Variants in ADGRF1 observed in about 807,000 individuals in gnomAD.
ADGRF1 encodes the protein G protein-coupled receptor 110.
Under a neutral mutation model 87.2 loss-of-function variants are expected in ADGRF1, and 85 were observed. The observed-to-expected ratio is 0.97, with a 90% confidence interval of 0.82 to 1.17. The LOEUF (loss-of-function observed/expected upper bound fraction) is 1.17. Among genes scored for constraint, ADGRF1 ranks in the 50% most tolerant of loss-of-function variants. The pLI, the probability that ADGRF1 is intolerant of heterozygous loss-of-function variation, is 0.00. For synonymous variants in ADGRF1, 430 were observed against 408.8 expected (o/e 1.05, Z -0.63); for missense variants, 1,169 against 1,077.2 (o/e 1.09, Z -1.19).
intron 7 of ADGRF1, chr6:47,020,113 C>G: frequency 9.7e-7 from 1 of 1,033,600 alleles, no homozygotes; most frequent in Non-Finnish European, 1.2e-6. Flanking sequence ...TCACCATGAT[C>G]TCCTGCCTTC....
rs374462680 is a variant in ADGRF1, at chr6:47,031,351, G to GTCTCTCTC, written c.-43-2255_-43-2248dup. Among the ~76,000 whole-genome samples, 678 of 110,762 alleles carry GTCTCTCTC rather than the reference G, an allele frequency of 6.1e-3. 11 individuals are homozygous for GTCTCTCTC. The highest frequency in any genetic ancestry group is 0.014 in the African/African-American group (390 of 28,884). 72.7% of individuals were successfully genotyped at this position (110,762 alleles called of 152,430 possible). Reference sequence around the variant, plus strand: ...CTCTCTTCTCTCTCTCTCTCTCTCTGTCTCTCTCTCTCTCTCTCTCTCTCT... The same window carrying GTCTCTCTC: ...CTCTCTTCTCTCTCTCTCTCTCTCTGTCTCTCTCTCTCTCTCTCTCTCTCTCTCTCTCT... On this transcript the variant is annotated intron_variant, in intron 1 of 14. Transcript: ENST00000371253.
In ADGRF1 at chr6:47,019,751, G is replaced by GA. The variant is rs568131460; in HGVS notation, c.611+979dup. ...CTATGGGTGTTTTTAAGTTAACTGT[G>GA]AAAAAAAATCACAAGTCAATTTCTC... On this transcript the variant is annotated intron_variant, in intron 7 of 14. Transcript: ENST00000371253. 23 of 980,312 alleles carry GA rather than the reference G, an allele frequency of 2.3e-5. No individual in the cohort carries two copies. In the East Asian group the frequency reaches 9.1e-4, roughly 39 times the overall value. 60.7% of individuals were successfully genotyped at this position (980,312 alleles called of 1,614,324 possible).
At chr6:47,040,549 G>T (rs1298972218) in intron 1 of ADGRF1, among the ~76,000 whole-genome samples, 1 of 150,272 alleles carries the variant, frequency 6.7e-6, no homozygotes, top group Non-Finnish European at 1.5e-5. Context: ...GATTAGGTAG[G>T]TTACACAGCA....
chr6:47,011,507 T>C (rs1179675950), intron 10 of ADGRF1, among the ~76,000 whole-genome samples: 2 of 152,226 alleles, frequency 1.3e-5, no homozygotes, highest in African/African-American at 4.8e-5. Flanking sequence ...GTGTTTATTT[T>C]AAAGTGACCA....
chr6:47,014,615 C>G, intron 9 of ADGRF1, 66 bp downstream of exon 9: 1 of 1,571,516 alleles, frequency 6.4e-7, no homozygotes, highest in Non-Finnish European at 8.6e-7. Flanking sequence ...CCTAGCCATG[C>G]TCACTGGGAT....
chr6:47,028,215 A>G (rs1780302549), intron 2 of ADGRF1, among the ~76,000 whole-genome samples: 1 of 152,232 alleles, frequency 6.6e-6, no homozygotes, highest in South Asian at 2.1e-4. Context: ...CAATGCGTGC[A>G]TTTCTGGGGT....
At chr6:47,034,275 T>C (rs974807884) in intron 1 of ADGRF1, among the ~76,000 whole-genome samples, 1 of 152,224 alleles carries the variant, frequency 6.6e-6, no homozygotes, top group Admixed American at 6.5e-5. Flanking sequence ...TATTTAATTG[T>C]TCTTTTATCA....
Position 47,042,285 on chromosome 6 carries a change from A to G in ADGRF1, c.-138T>C, listed in dbSNP as rs920120558. Reference sequence around the variant, plus strand: ...TTCTTATGCTGTTTGGAAAGAAAGTATCAGTATCTGAGCCACAGCAGCTCA... The same window carrying G: ...TTCTTATGCTGTTTGGAAAGAAAGTGTCAGTATCTGAGCCACAGCAGCTCA... On this transcript the variant is annotated 5_prime_UTR_variant, in exon 1 of 15. Transcript: ENST00000371253. 1 of 152,222 alleles carries G rather than the reference A, an allele frequency of 6.6e-6. No homozygotes were observed. 9.4% of individuals were successfully genotyped at this position (152,222 alleles called of 1,614,324 possible).
chr6:47,000,984 A>G (rs539539406), intron 14 of ADGRF1, among the ~76,000 whole-genome samples: 23 of 152,338 alleles, frequency 1.5e-4, no homozygotes, highest in African/African-American at 5.1e-4. Context: ...GTAACCGCCA[A>G]TCAATGAACA....
At position 46,998,830 on chromosome 6, in the gene ADGRF1, G is replaced by C. The variant is rs1160823574; in HGVS notation, c.*1392C>G. ...TTGTGGGGTATAGAACCATCTAACT[G>C]ATCCTCAGTCATTTCCTTTGAACCT... On this transcript the variant is annotated 3_prime_UTR_variant, in exon 15 of 15. Coordinates refer to ENST00000371253, the MANE Select transcript of ADGRF1 (RefSeq NM_153840.4). The C allele has an allele frequency of 6.6e-6, 1 of 152,220 alleles. No individual in the cohort carries two copies. Among genetic ancestry groups the C allele is most frequent in the Non-Finnish European group, 1.5e-5 (1 of 68,040 alleles). The allele number at this position is 152,220 out of a possible 1,614,324, so 9.4% of individuals were successfully genotyped here.
chr6:47,037,526 G>C (rs1281060539), intron 1 of ADGRF1, among the ~76,000 whole-genome samples: 1 of 152,024 alleles, frequency 6.6e-6, no homozygotes, highest in East Asian at 1.9e-4. Flanking sequence ...GTTGTATTTA[G>C]AGACAGGGTC....
At chr6:47,020,480 G>A in intron 7 of ADGRF1, 2 of 1,451,914 alleles carry the variant, frequency 1.4e-6, no homozygotes, top group Non-Finnish European at 1.9e-6. Flanking sequence ...CTCCAACTTG[G>A]GCGACAAGAG....
intron 3 of ADGRF1, 102 bp downstream of exon 3, chr6:47,027,602 T>C: frequency 1.4e-6 from 1 of 712,170 alleles, no homozygotes; most frequent in African/African-American, 1.8e-5. Context: ...TGTTTAATAA[T>C]GTGCCTAGGA....
chr6:47,019,283 A>G (rs1294628076), intron 7 of ADGRF1: 3 of 968,986 alleles, frequency 3.1e-6, no homozygotes, highest in Non-Finnish European at 3.7e-6. Flanking sequence ...CTCAATATAA[A>G]AAAAAGCAGT....
At chr6:47,037,169 T>C (rs76352329) in intron 1 of ADGRF1, among the ~76,000 whole-genome samples, 1,772 of 152,286 alleles carry the variant, frequency 0.012, 42 homozygotes, top group African/African-American at 0.04. Context: ...TGTTCCCAAA[T>C]GGATAGGCAA....
In ADGRF1 at chr6:47,016,732, G is replaced by A. The variant is rs2113889156; in HGVS notation, c.648C>T (p.Gly216=). 6.2e-7 allele frequency: 1 copy of A among 1,603,364 alleles called. No homozygotes were observed. Among genetic ancestry groups the A allele is most frequent in the Non-Finnish European group, 8.5e-7 (1 of 1,171,998 alleles). The part of the protein sequence containing the change: ...GSIVAGYEVV[G]SSSASELLSA... ...ACAGCAGTTCAGATGCACTGCTGGA[G>A]CCAACAACTTCATACCCAGCAACGA... The change falls in exon 8 of 15, where the codon GGC becomes GGT. Residue 216 remains glycine (G), a synonymous_variant. Transcript: ENST00000371253.
intron 1 of ADGRF1, among the ~76,000 whole-genome samples, chr6:47,035,683 T>C (rs989272672): frequency 2.6e-5 from 4 of 152,352 alleles, no homozygotes; most frequent in African/African-American, 9.6e-5. Context: ...GGTTAGTTTT[T>C]GTTGCTTGGG....
intron 5 of ADGRF1, 77 bp downstream of exon 5, chr6:47,023,967 A>G: frequency 2.3e-6 from 3 of 1,286,894 alleles, no homozygotes; most frequent in South Asian, 2.8e-5. Flanking sequence ...GACTAGCTAG[A>G]CAATGAGCAA....
chr6:47,038,019 C>T (rs1040832341), intron 1 of ADGRF1, among the ~76,000 whole-genome samples: 2 of 152,110 alleles, frequency 1.3e-5, no homozygotes, highest in Non-Finnish European at 2.9e-5. Context: ...CGCCACCATG[C>T]CCGGCTGATT....
Sources: gnomAD v4.1 joint callset for allele counts (sites outside exome capture counted in the v4.1 genomes callset) on GRCh38, gnomAD v4.1.1 for gene constraint, MANE v1.5 for transcripts, NCBI Gene and HGNC (gene_info 2026-07-23, HGNC 2026-07-21) for gene names.